Variants in DLC1 observed in about 807,000 individuals in gnomAD.
DLC1 encodes the protein rho GTPase-activating protein 7.
Under a neutral mutation model 140.3 loss-of-function variants are expected in DLC1, and 54 were observed. The ratio of observed to expected loss-of-function variants is 0.38; its 90% CI spans 0.31 to 0.48. The LOEUF (loss-of-function observed/expected upper bound fraction) is 0.48. Among genes scored for constraint, DLC1 ranks in the 20% least tolerant of loss-of-function variants. The pLI is 0.96. For missense variants in DLC1, 2,536 were observed against 1,907.0 expected (o/e 1.33, Z -6.14); for synonymous variants, 986 against 728.1 (o/e 1.35, Z -5.70).
chr8:13,237,744 G>T (rs6985227), intron 5 of DLC1, among the ~76,000 whole-genome samples: 1 of 152,012 alleles, frequency 6.6e-6, no homozygotes, highest in African/African-American at 2.4e-5. Context: ...TTTTTCTATT[G>T]TTCAGGTTTT....
chr8:13,094,403 C>A (rs1818334792), intron 12 of DLC1, among the ~76,000 whole-genome samples: 1 of 152,196 alleles, frequency 6.6e-6, no homozygotes, highest in African/African-American at 2.4e-5. Context: ...TGGTGGCTCA[C>A]ACCTGTAATC....
Position 13,102,773 on chromosome 8 carries a change from G to C in DLC1, c.1566+17C>G. 6.2e-7 allele frequency: 1 copy of C among 1,608,776 alleles called. No homozygotes were observed. Among genetic ancestry groups the C allele is most frequent in the Non-Finnish European group, 8.5e-7 (1 of 1,176,244 alleles). On this transcript the variant is annotated intron_variant, in intron 8 of 17. Coordinates refer to ENST00000276297, the MANE Select transcript of DLC1 (RefSeq NM_182643.3). ...CCCCTTTTCCCCCTCATTCTATTAT[G>C]CAATTTGTATACTCACTCGTTTCCG...
intron 5 of DLC1, among the ~76,000 whole-genome samples, chr8:13,255,796 C>G (rs1169448823): frequency 6.6e-6 from 1 of 152,218 alleles, no homozygotes; most frequent in Admixed American, 6.5e-5. Context: ...ACTATCCACG[C>G]TCGTCTTTGC....
intron 5 of DLC1, chr8:13,276,231 C>T (rs2117404347): frequency 1.3e-6 from 2 of 1,534,182 alleles, no homozygotes; most frequent in Admixed American, 2.0e-5. Flanking sequence ...TACCCCTCAC[C>T]CCCGGTCTCC....
At position 13,095,202 on chromosome 8, in the gene DLC1, T is replaced by G. The variant is rs746867506; in HGVS notation, c.3211A>C (p.Lys1071Gln). 3.1e-6 allele frequency: 5 copies of G among 1,614,222 alleles called. No homozygotes were observed. The South Asian group carries it at 4.4e-5, about 14-fold the overall frequency. ...GGGACCCCAAACACACTCCGGTCCT[T>G]GTAGTCTGGAACCTTGATCCTCTTC... is the stretch of plus-strand genomic sequence containing the variant. ...FMKRIKVPDY[K>Q]DRSVFGVPLT... Residue 1071 changes from lysine (K) to glutamine (Q), a missense_variant, in exon 11 of 18, where the codon AAG becomes CAG. By Grantham distance (53) the Lys-to-Gln change is moderately conservative. Coordinates refer to ENST00000276297, the MANE Select transcript of DLC1 (RefSeq NM_182643.3).
rs1026145754 is a variant in DLC1 at position 13,566,791 on chromosome 8, G to A, written c.-126+37746C>T. 10 of 679,894 alleles carry A rather than the reference G, an allele frequency of 1.5e-5. No homozygotes were observed. In the Admixed American group the frequency reaches 3.2e-4, roughly 22 times the overall value. The allele number at this position is 679,894 out of a possible 1,614,324, so 42.1% of individuals were successfully genotyped here. A position where few individuals can be genotyped will look rare whatever the true frequency, so the allele number is the denominator to read the frequency against. ...GGGCGCTGGGGAGCGCGGAGGAAAA[G>A]GCGGGACGCCGCATGGTGGCCAGTC... is the stretch of plus-strand genomic sequence containing the variant. On this transcript the variant is annotated intron_variant, in intron 1 of 1. Transcript: ENST00000631382.
intron 5 of DLC1, among the ~76,000 whole-genome samples, chr8:13,136,132 A>C (rs1412465982): frequency 6.6e-6 from 1 of 152,222 alleles, no homozygotes; most frequent in Non-Finnish European, 1.5e-5. Context: ...GGTTGAAAGC[A>C]GGACTTTTAG....
At chr8:13,256,872 C>G (rs1443860455) in intron 5 of DLC1, among the ~76,000 whole-genome samples, 1 of 138,890 alleles carries the variant, frequency 7.2e-6, no homozygotes, top group Non-Finnish European at 1.5e-5. Context: ...ACATGTATCC[C>G]AGAACTTAAA....
chr8:13,346,490 A>G (rs978296758), intron 4 of DLC1, among the ~76,000 whole-genome samples: 1 of 152,220 alleles, frequency 6.6e-6, no homozygotes, highest in Non-Finnish European at 1.5e-5. Context: ...GGCAAAAACT[A>G]CCATGGTAGC....
chr8:13,167,334 A>G (rs894080848), intron 5 of DLC1, among the ~76,000 whole-genome samples: 14 of 152,056 alleles, frequency 9.2e-5, no homozygotes, highest in Admixed American at 8.5e-4. Flanking sequence ...CTTAATCTTC[A>G]TATGAGGGGT....
At chr8:13,561,155 G>A (rs1804229006) in intron 1 of DLC1, among the ~76,000 whole-genome samples, 1 of 144,678 alleles carries the variant, frequency 6.9e-6, no homozygotes, top group Non-Finnish European at 1.5e-5. Context: ...ATATTGCTCT[G>A]TCTGTCAACC....
At chr8:13,246,895 C>T (rs114462802) in intron 5 of DLC1, among the ~76,000 whole-genome samples, 2,322 of 152,178 alleles carry the variant, frequency 0.015, 67 homozygotes, top group African/African-American at 0.052. Context: ...ATCATAAATA[C>T]TGTTCATGCT....
chr8:13,558,174 G>A (rs1271418458), intron 1 of DLC1: 2 of 152,204 alleles, frequency 1.3e-5, no homozygotes, highest in Admixed American at 1.3e-4. Context: ...AATTCTTGGA[G>A]CAGGTGCTAT....
Position 13,551,771 on chromosome 8 carries a change from T to A in DLC1, c.-125-51575A>T, listed in dbSNP as rs987315261. Among the ~76,000 whole-genome samples the A allele has an allele frequency of 3.3e-5, 5 of 150,958 alleles. No homozygotes were observed. The South Asian group carries it at 8.3e-4, about 25-fold the overall frequency. ...TATGTTTCTATATCAAACATATGTA[T>A]CTATCAAACATATATGTATCTATAT... On this transcript the variant is annotated intron_variant, in intron 1 of 1. Transcript: ENST00000631382.
intron 1 of DLC1, among the ~76,000 whole-genome samples, chr8:13,566,535 C>A (rs1804434460): frequency 6.6e-6 from 1 of 152,134 alleles, no homozygotes; most frequent in Non-Finnish European, 1.5e-5. Context: ...TTGTCCAGCG[C>A]GTTTTGCTTG....
At chr8:13,117,047 C>T (rs114866617) in intron 5 of DLC1, among the ~76,000 whole-genome samples, 1,569 of 151,822 alleles carry the variant, frequency 0.01, 30 homozygotes, top group African/African-American at 0.036. Flanking sequence ...ACTTTTTTTT[C>T]GTATGTGTAT....
At position 13,423,633 on chromosome 8, in the gene DLC1, A is replaced by C. The variant is rs115681204; in HGVS notation, c.1024-22014T>G. Reference sequence around the variant, plus strand: ...TTTCCTAAACATTCTGTGACCATTTAAACAGAAATCGGATTTCTGCTCTGA... The same window carrying C: ...TTTCCTAAACATTCTGTGACCATTTCAACAGAAATCGGATTTCTGCTCTGA... On this transcript the variant is annotated intron_variant, in intron 2 of 17. Transcript: ENST00000276297. Among the ~76,000 whole-genome samples, 1,363 of 152,272 alleles carry C rather than the reference A, an allele frequency of 9.0e-3. 22 individuals are homozygous for C. Among genetic ancestry groups the C allele is most frequent in the African/African-American group, 0.032 (1,310 of 41,540 alleles).
At chr8:13,566,078 A>C (rs1262861443) in intron 1 of DLC1, among the ~76,000 whole-genome samples, 2 of 152,192 alleles carry the variant, frequency 1.3e-5, no homozygotes, top group Non-Finnish European at 2.9e-5. Context: ...TGCTGGGCTC[A>C]TACTAGTCGG....
At chr8:13,086,585 G>C in intron 16 of DLC1, 122 bp from the exon 17 acceptor site, 1 of 1,101,146 alleles carries the variant, frequency 9.1e-7, no homozygotes, top group Non-Finnish European at 1.3e-6. Flanking sequence ...CATGCTGTGT[G>C]ACCCAGGCCT....
Sources: allele counts gnomAD v4.1 joint callset (sites outside exome capture counted in the v4.1 genomes callset), GRCh38; gene constraint gnomAD v4.1.1; transcripts MANE v1.5; gene names NCBI Gene and HGNC (gene_info 2026-07-23, HGNC 2026-07-21).